Variants in TBC1D9 observed in about 807,000 individuals in gnomAD.
The protein encoded by TBC1D9 is TBC1 domain family member 9A.
In TBC1D9, 63 loss-of-function variants were observed where a neutral mutation model predicts 132.0. The ratio of observed to expected loss-of-function variants is 0.48; its 90% CI spans 0.39 to 0.59. The LOEUF (loss-of-function observed/expected upper bound fraction) is 0.59. Ranked by LOEUF, TBC1D9 falls within the 20% of genes least tolerant of loss-of-function variation. The probability of loss-of-function intolerance (pLI) is 0.00; values close to 1 mark genes in which losing one functional copy is unlikely to be tolerated. For missense variants in TBC1D9, 1,261 were observed against 1,592.7 expected (o/e 0.79, Z 3.54); for synonymous variants, 610 against 609.9 (o/e 1.00, Z 0.00).
chr4:140,637,977 TA>T (rs1274590132), intron 15 of TBC1D9, among the ~76,000 whole-genome samples: 1 of 152,248 alleles, frequency 6.6e-6, no homozygotes, highest in Non-Finnish European at 1.5e-5. Context: ...ACTCTAGTAT[TA>T]GTACTAGTGC....
At chr4:140,745,752 C>T (rs1738827292) in intron 1 of TBC1D9, among the ~76,000 whole-genome samples, 1 of 151,982 alleles carries the variant, frequency 6.6e-6, no homozygotes, top group African/African-American at 2.4e-5. Flanking sequence ...AGATTTTTGA[C>T]TGCATGGGGG....
intron 20 of TBC1D9, among the ~76,000 whole-genome samples, 194 bp from the exon 21 acceptor site, chr4:140,623,111 GTCTC>G (rs1736647326): frequency 6.6e-6 from 1 of 152,086 alleles, no homozygotes; most frequent in African/African-American, 2.4e-5. Flanking sequence ...TTGAGACAGG[GTCTC>G]TCTTTGTCGC....
intron 4 of TBC1D9, 99 bp downstream of exon 4, chr4:140,679,516 A>G (rs998377722): frequency 1.1e-6 from 1 of 869,948 alleles, no homozygotes; most frequent in Admixed American, 2.9e-5. Flanking sequence ...CTTAGTTATA[A>G]CTATAGATTT....
At chr4:140,624,090 G>A (rs759403561) in intron 20 of TBC1D9, 26 bp downstream of exon 20, 27 of 1,549,840 alleles carry the variant, frequency 1.7e-5, no homozygotes, top group African/African-American at 1.1e-4. Flanking sequence ...GGTTTGAAGC[G>A]AATGATTTGA....
chr4:140,681,993 C>G (rs1464367261), intron 3 of TBC1D9, among the ~76,000 whole-genome samples: 1 of 152,124 alleles, frequency 6.6e-6, no homozygotes, highest in Non-Finnish European at 1.5e-5. Context: ...AAAAGAATGT[C>G]TCGAACATTT....
intron 17 of TBC1D9, among the ~76,000 whole-genome samples, 160 bp from the exon 18 acceptor site, chr4:140,627,687 G>A (rs138634453): frequency 1.0e-3 from 158 of 152,290 alleles, no homozygotes; most frequent in Non-Finnish European, 1.9e-3. Flanking sequence ...CCTTAGTGGA[G>A]GAGGTCACTA....
chr4:140,635,995 A>G (rs1267415501), intron 15 of TBC1D9, among the ~76,000 whole-genome samples: 1 of 150,986 alleles, frequency 6.6e-6, no homozygotes, highest in African/African-American at 2.4e-5. Flanking sequence ...CCTGAGCTAC[A>G]TCGGTTGACA....
intron 2 of TBC1D9, among the ~76,000 whole-genome samples, chr4:140,689,504 C>G (rs1225486045): frequency 1.9e-5 from 2 of 102,822 alleles, no homozygotes; most frequent in Non-Finnish European, 4.0e-5. Flanking sequence ...TCCCCCTTTC[C>G]TTCCCTTCCC....
chr4:140,681,784 T>C (rs955527691), intron 3 of TBC1D9, among the ~76,000 whole-genome samples: 1 of 152,136 alleles, frequency 6.6e-6, no homozygotes, highest in African/African-American at 2.4e-5. Context: ...CTGCACTGAA[T>C]CTTAACCCAT....
chr4:140,640,589 A>G (rs1736971596), intron 13 of TBC1D9, among the ~76,000 whole-genome samples: 1 of 152,186 alleles, frequency 6.6e-6, no homozygotes, highest in African/African-American at 2.4e-5. Context: ...GTCTAGGAAC[A>G]AAAGGAAAGG....
Position 140,753,925 on chromosome 4 carries a change from C to T in TBC1D9, c.130+1991G>A, listed in dbSNP as rs189284748. Among the ~76,000 whole-genome samples, 6 of 152,274 alleles carry T rather than the reference C, an allele frequency of 3.9e-5. No individual in the cohort carries two copies. The East Asian group carries it at 1.2e-3, about 29-fold the overall frequency. On this transcript the variant is annotated intron_variant, in intron 1 of 20. Coordinates refer to ENST00000442267, the MANE Select transcript of TBC1D9 (RefSeq NM_015130.3). ...TTGACATGGCACCAAGGTATTAGAC[C>T]AAACATTTTACCTCTCTTGCTTGAA...
At chr4:140,692,506 T>A (rs1292666948) in intron 2 of TBC1D9, among the ~76,000 whole-genome samples, 1 of 152,190 alleles carries the variant, frequency 6.6e-6, no homozygotes, top group Non-Finnish European at 1.5e-5. Flanking sequence ...TTGTACTTTC[T>A]ACATCCAGAA....
intron 9 of TBC1D9, among the ~76,000 whole-genome samples, chr4:140,665,758 C>T (rs939638737): frequency 3.3e-5 from 5 of 152,094 alleles, no homozygotes; most frequent in Non-Finnish European, 7.3e-5. Flanking sequence ...CTCATTGCAG[C>T]CTCAACCTCC....
chr4:140,716,921 T>TAAA (rs201548614), intron 1 of TBC1D9, among the ~76,000 whole-genome samples: 3 of 134,610 alleles, frequency 2.2e-5, no homozygotes, highest in African/African-American at 5.6e-5. Context: ...ATGGGGGCTG[T>TAAA]AAAAAAAAAA....
chr4:140,735,786 T>C (rs1460748972), intron 1 of TBC1D9, among the ~76,000 whole-genome samples: 1 of 152,244 alleles, frequency 6.6e-6, no homozygotes, highest in African/African-American at 2.4e-5. Flanking sequence ...CAAGACCTAC[T>C]GTGGCGTACA....
At chr4:140,681,179 G>A (rs1007653762) in intron 3 of TBC1D9, among the ~76,000 whole-genome samples, 3 of 152,100 alleles carry the variant, frequency 2.0e-5, no homozygotes, top group Non-Finnish European at 2.9e-5. Context: ...GCCTGAACAT[G>A]TCATTTCTGC....
chr4:140,704,226 C>T (rs980166957), intron 1 of TBC1D9, among the ~76,000 whole-genome samples: 1 of 151,718 alleles, frequency 6.6e-6, no homozygotes, highest in Admixed American at 6.6e-5. Context: ...GGTGAACACC[C>T]TTCCCCATTA....
chr4:140,659,844 T>C (rs1737329569), intron 10 of TBC1D9, 139 bp from the exon 11 acceptor site: 1 of 620,568 alleles, frequency 1.6e-6, no homozygotes, highest in Admixed American at 2.8e-5. Context: ...GTTTAGGCTT[T>C]GGAGGCTTTA....
chr4:140,667,960 C>A (rs1737474801), intron 9 of TBC1D9, among the ~76,000 whole-genome samples: 1 of 152,044 alleles, frequency 6.6e-6, no homozygotes, highest in Admixed American at 6.5e-5. Flanking sequence ...ATTTTAGTAT[C>A]ACTTTTTAAG....
Sources: gnomAD v4.1 joint callset for allele counts (sites outside exome capture counted in the v4.1 genomes callset) on GRCh38, gnomAD v4.1.1 for gene constraint, MANE v1.5 for transcripts, NCBI Gene and HGNC (gene_info 2026-07-23, HGNC 2026-07-21) for gene names.